Variants in MEIS1 observed in about 807,000 individuals in gnomAD.
The protein encoded by MEIS1 is homeobox protein Meis1.
A neutral mutation model predicts 50.8 loss-of-function variants in MEIS1; 5 were observed. The observed-to-expected ratio is 0.10, with a 90% CI of 0.05 to 0.21. The LOEUF (loss-of-function observed/expected upper bound fraction) is 0.21. Ranked by LOEUF, MEIS1 falls within the 10% of genes least tolerant of loss-of-function variation. The pLI is 1.00. For missense variants in MEIS1, 318 were observed against 517.3 expected (o/e 0.61, Z 3.74); for synonymous variants, 176 against 179.3 (o/e 0.98, Z 0.15).
intron 7 of MEIS1, among the ~76,000 whole-genome samples, chr2:66,507,387 T>C (rs1027479899): frequency 4.6e-5 from 7 of 152,212 alleles, no homozygotes; most frequent in Admixed American, 2.6e-4. Context: ...GAAGTCACTG[T>C]GGCTTCCAGC....
rs564145698 is a variant in MEIS1 at position 66,435,447 on chromosome 2, T to C, written c.-410T>C. On this transcript the variant is annotated 5_prime_UTR_variant, in exon 1 of 13. Coordinates refer to ENST00000272369, the MANE Select transcript of MEIS1 (RefSeq NM_002398.3). ...GAAGACAGAGCGGATGATCATTCAT[T>C]CACCACGTTGACAACCTCGCCTGTG... The C allele has an allele frequency of 6.4e-6, 2 of 312,352 alleles. No homozygotes were observed. The highest frequency in any genetic ancestry group is 2.1e-5 in the African/African-American group (1 of 47,216). 19.3% of individuals were successfully genotyped at this position (312,352 alleles called of 1,614,324 possible). A position where few individuals can be genotyped will look rare whatever the true frequency, so the allele number is the denominator to read the frequency against.
intron 7 of MEIS1, among the ~76,000 whole-genome samples, chr2:66,467,975 A>T (rs916945116): frequency 6.6e-6 from 1 of 152,162 alleles, no homozygotes; most frequent in African/African-American, 2.4e-5. Context: ...TTGAATCCTT[A>T]TTTTATCCCT....
intron 8 of MEIS1, among the ~76,000 whole-genome samples, chr2:66,531,902 T>C (rs1674401125): frequency 6.6e-6 from 1 of 152,076 alleles, no homozygotes; most frequent in African/African-American, 2.4e-5. Flanking sequence ...ATCTGTTGTA[T>C]ACTAGAGTTT....
chr2:66,534,609 A>G (rs1048026127), intron 8 of MEIS1, among the ~76,000 whole-genome samples: 1 of 152,192 alleles, frequency 6.6e-6, no homozygotes, highest in Non-Finnish European at 1.5e-5. Flanking sequence ...TCACTGAAGC[A>G]TGAATGGACT....
chr2:66,535,132 A>G (rs1674486943), intron 8 of MEIS1, among the ~76,000 whole-genome samples: 1 of 152,140 alleles, frequency 6.6e-6, no homozygotes, highest in Non-Finnish European at 1.5e-5. Context: ...GAGCTTCAGT[A>G]GAGTGTAAAG....
intron 6 of MEIS1, among the ~76,000 whole-genome samples, chr2:66,448,473 C>A (rs907888627): frequency 2.6e-5 from 4 of 152,154 alleles, no homozygotes; most frequent in Admixed American, 6.5e-5. Flanking sequence ...AACTAGCTTA[C>A]CTTCCCTAGC....
chr2:66,515,493 C>T (rs999718576), intron 8 of MEIS1, among the ~76,000 whole-genome samples: 5 of 152,118 alleles, frequency 3.3e-5, no homozygotes, highest in Non-Finnish European at 4.4e-5. Flanking sequence ...CACAGGTAGA[C>T]TTAATCAGTA....
At position 66,437,984 on chromosome 2, in the gene MEIS1, G is replaced by A. The variant is rs1319201869; in HGVS notation, c.239+21G>A. The stretch of plus-strand genomic sequence containing the variant: ...TATGGGTAGGTACAATGGGCAGCAG[G>A]TTAAGTAGTTGAGACTCAACGCTTC... On this transcript the variant is annotated intron_variant, in intron 2 of 12. Coordinates refer to ENST00000272369, the MANE Select transcript of MEIS1 (RefSeq NM_002398.3). The A allele has an allele frequency of 5.8e-6, 9 of 1,541,998 alleles. No homozygotes were observed. The Admixed American group carries it at 1.6e-4, about 27-fold the overall frequency.
At chr2:66,488,555 G>A (rs868571506) in intron 7 of MEIS1, among the ~76,000 whole-genome samples, 1 of 152,078 alleles carries the variant, frequency 6.6e-6, no homozygotes, top group Non-Finnish European at 1.5e-5. Flanking sequence ...GTGGGCGCCT[G>A]TAGTCCCAGC....
chr2:66,468,645 T>C, intron 7 of MEIS1, among the ~76,000 whole-genome samples: 1 of 152,162 alleles, frequency 6.6e-6, no homozygotes, highest in East Asian at 1.9e-4. Flanking sequence ...GACATCCTAT[T>C]TGATACACTG....
intron 8 of MEIS1, among the ~76,000 whole-genome samples, chr2:66,520,675 A>C (rs1216689948): frequency 6.6e-6 from 1 of 152,224 alleles, no homozygotes; most frequent in Non-Finnish European, 1.5e-5. Flanking sequence ...TGAAGGAAAA[A>C]AATTTATTGT....
chr2:66,522,350 T>C (rs1674145385), intron 8 of MEIS1, among the ~76,000 whole-genome samples: 1 of 152,180 alleles, frequency 6.6e-6, no homozygotes, highest in African/African-American at 2.4e-5. Flanking sequence ...GATGAGGAAG[T>C]TTACTTTTTA....
At chr2:66,539,572 G>A (rs1376538597) in intron 8 of MEIS1, among the ~76,000 whole-genome samples, 3 of 152,116 alleles carry the variant, frequency 2.0e-5, no homozygotes, top group Non-Finnish European at 4.4e-5. Flanking sequence ...TGTCCTTTCT[G>A]TGCTCAAGTT....
At chr2:66,537,546 G>C (rs1674551297) in intron 8 of MEIS1, among the ~76,000 whole-genome samples, 1 of 152,128 alleles carries the variant, frequency 6.6e-6, no homozygotes, top group South Asian at 2.1e-4. Context: ...CATTCTCCCT[G>C]TCTCTATCTT....
intron 9 of MEIS1, among the ~76,000 whole-genome samples, chr2:66,562,454 A>C (rs1203714183): frequency 6.6e-6 from 1 of 152,076 alleles, no homozygotes; most frequent in African/African-American, 2.4e-5. Context: ...AGAACAAAGC[A>C]AAACTTCCTG....
Position 66,443,019 on chromosome 2 carries a change from A to T in MEIS1, c.601A>T (p.Ile201Leu). 1 of 1,601,098 alleles carries T rather than the reference A, an allele frequency of 6.2e-7. No individual in the cohort carries two copies. The highest frequency in any genetic ancestry group is 8.5e-7 in the Non-Finnish European group (1 of 1,175,690). ...EGGSKSDSED[I>L]TRSANLTDQP... ...AGGATCAAAATCAGACAGTGAAGAT[A>T]TAACAAGATCAGCAAATCTAACTGA... is the stretch of plus-strand genomic sequence containing the variant. Residue 201 changes from isoleucine (I) to leucine (L), a missense_variant, in exon 6 of 13, where the codon ATA (isoleucine) becomes TTA (leucine). Ile to Leu is a conservative substitution (Grantham distance 5). Coordinates refer to ENST00000272369, the MANE Select transcript of MEIS1 (RefSeq NM_002398.3).
At chr2:66,480,358 G>A (rs1474340874) in intron 7 of MEIS1, among the ~76,000 whole-genome samples, 1 of 152,056 alleles carries the variant, frequency 6.6e-6, no homozygotes, top group Non-Finnish European at 1.5e-5. Flanking sequence ...GAAACCTCTG[G>A]GATACTAGTG....
chr2:66,539,456 A>G (rs1464489429), intron 8 of MEIS1, among the ~76,000 whole-genome samples: 2 of 152,202 alleles, frequency 1.3e-5, no homozygotes, highest in East Asian at 3.8e-4. Context: ...CTATTATATA[A>G]AAGACAAAAT....
At chr2:66,507,321 G>A (rs1179768560) in intron 7 of MEIS1, among the ~76,000 whole-genome samples, 1 of 152,116 alleles carries the variant, frequency 6.6e-6, no homozygotes, top group Admixed American at 6.6e-5. Flanking sequence ...TTTAAAGAGA[G>A]GATATGGCCC....
Sources: gnomAD v4.1 joint callset for allele counts (sites outside exome capture counted in the v4.1 genomes callset) on GRCh38, gnomAD v4.1.1 for gene constraint, MANE v1.5 for transcripts, NCBI Gene and HGNC (gene_info 2026-07-23, HGNC 2026-07-21) for gene names.